Variants in PTP4A3 observed in about 807,000 individuals in gnomAD.
PTP4A3 encodes the protein protein tyrosine phosphatase type IVA 3.
Under a neutral mutation model 15.2 loss-of-function variants are expected in PTP4A3, and 9 were observed. The ratio of observed to expected loss-of-function variants is 0.59; its 90% CI spans 0.36 to 1.03. PTP4A3 has a LOEUF of 1.03. Ranked by LOEUF, PTP4A3 falls within the 50% of genes least tolerant of loss-of-function variation. PTP4A3 has a pLI of 0.02. For synonymous variants in PTP4A3, 95 were observed against 102.0 expected, an observed-to-expected ratio of 0.93 and a Z score of 0.41; for missense variants, 234 against 252.1, an observed-to-expected ratio of 0.93 and a Z score of 0.49.
intron 5 of PTP4A3, among the ~76,000 whole-genome samples, chr8:141,429,533 A>G (rs1408394565): frequency 6.6e-6 from 1 of 151,636 alleles, no homozygotes; most frequent in Non-Finnish European, 1.5e-5. Flanking sequence ...TGTAAGGACC[A>G]GGTGGCGGGA....
Position 141,392,092 on chromosome 8 carries a change from T to G in PTP4A3, c.-854+8T>G, listed in dbSNP as rs1334525868. On this transcript the variant is annotated splice_region_variant and intron_variant, in intron 1 of 5. Transcript: ENST00000521578. Reference sequence around the variant, plus strand: ...CGCCGCCCGGACCGCCAGGTCAGTCTCCTCCGCGCCCGCTCGGGGCGGGGG... The same window carrying G: ...CGCCGCCCGGACCGCCAGGTCAGTCGCCTCCGCGCCCGCTCGGGGCGGGGG... The G allele has an allele frequency of 6.1e-5, 9 of 146,398 alleles. No individual in the cohort carries two copies. The highest frequency in any genetic ancestry group is 4.1e-4 in the Admixed American group (6 of 14,780). The allele number at this position is 146,398 out of a possible 1,614,324, so 9.1% of individuals were successfully genotyped here. A position where few individuals can be genotyped will look rare whatever the true frequency, so the allele number is the denominator to read the frequency against.
intron 2 of PTP4A3, among the ~76,000 whole-genome samples, chr8:141,424,605 G>A (rs1392575623): frequency 3.3e-5 from 5 of 152,154 alleles, no homozygotes; most frequent in Non-Finnish European, 7.4e-5. Flanking sequence ...GTCCTTGCTG[G>A]TAGATCTGGG....
intron 1 of PTP4A3, among the ~76,000 whole-genome samples, chr8:141,409,856 C>A (rs1356197514): frequency 2.0e-5 from 3 of 152,250 alleles, no homozygotes; most frequent in Non-Finnish European, 4.4e-5. Flanking sequence ...TGGCTGGGTG[C>A]CCAGCGGTGC....
At position 141,427,995 on chromosome 8, in the gene PTP4A3, G is replaced by A. The variant is rs1254620855; in HGVS notation, c.404+171G>A. ...GGGAAGCCTGAGGTGTTTCTGATGG[G>A]TGGGGACAGCAGCCCCCGAGTGACC... On this transcript the variant is annotated intron_variant, in intron 5 of 5. Transcript: ENST00000521578. 2.0e-5 allele frequency among the ~76,000 whole-genome samples: 3 copies of A among 152,132 alleles called. No homozygotes were observed. In the South Asian group the frequency reaches 6.2e-4, roughly 31 times the overall value.
intron 4 of PTP4A3, among the ~76,000 whole-genome samples, chr8:141,427,276 C>T (rs1400728541): frequency 2.6e-5 from 4 of 152,218 alleles, no homozygotes; most frequent in Non-Finnish European, 5.9e-5. Flanking sequence ...CAACTTCTTC[C>T]TGCTATGGTT....
intron 2 of PTP4A3, among the ~76,000 whole-genome samples, chr8:141,423,806 T>C (rs1335886563): frequency 4.1e-5 from 6 of 147,026 alleles, no homozygotes; most frequent in African/African-American, 1.5e-4. Context: ...GGAGGGCTCA[T>C]CCTGTGACCA....
rs28712476 is a variant in PTP4A3 at position 141,422,159 on chromosome 8, G to A, written c.-82G>A. 0.019 allele frequency: 24,433 copies of A among 1,319,464 alleles called. 3,398 individuals are homozygous for A. The African/African-American group carries it at 0.31, about 17-fold the overall frequency. 81.7% of individuals were successfully genotyped at this position (1,319,464 alleles called of 1,614,324 possible). A position where few individuals can be genotyped will look rare whatever the true frequency, so the allele number is the denominator to read the frequency against. ...GGGATCTCGTTCTCCTCATTTTTTG[G>A]GGGTGTGTGGGGACTTCTCAGGTCG... On this transcript the variant is annotated 5_prime_UTR_variant, in exon 2 of 6. Coordinates refer to ENST00000521578, the MANE Select transcript of PTP4A3 (RefSeq NM_032611.3).
chr8:141,410,007 G>C (rs887583690), intron 1 of PTP4A3, among the ~76,000 whole-genome samples: 7 of 152,250 alleles, frequency 4.6e-5, no homozygotes, highest in African/African-American at 1.7e-4. Context: ...CTGTCACCAC[G>C]GCTGTGACGA....
intron 1 of PTP4A3, among the ~76,000 whole-genome samples, chr8:141,420,630 C>T (rs1422476910): frequency 6.6e-6 from 1 of 152,346 alleles, no homozygotes; most frequent in East Asian, 1.9e-4. Context: ...ATGGCTGGCC[C>T]ATTGGCGTGT....
intron 1 of PTP4A3, among the ~76,000 whole-genome samples, chr8:141,404,390 G>T (rs1444965050): frequency 6.6e-6 from 1 of 152,232 alleles, no homozygotes; most frequent in East Asian, 1.9e-4. Context: ...AGGATTGGAG[G>T]GTCCATTGGG....
At chr8:141,394,318 C>G (rs1014143013) in intron 1 of PTP4A3, among the ~76,000 whole-genome samples, 3 of 152,156 alleles carry the variant, frequency 2.0e-5, no homozygotes, top group Non-Finnish European at 4.4e-5. Flanking sequence ...TTTTCGCCCC[C>G]CAAGACCTTG....
At chr8:141,429,243 C>T (rs1476125212) in intron 5 of PTP4A3, among the ~76,000 whole-genome samples, 1 of 152,276 alleles carries the variant, frequency 6.6e-6, no homozygotes, top group Non-Finnish European at 1.5e-5. Flanking sequence ...CACGGGGCAC[C>T]TGCAGCTTTG....
intron 1 of PTP4A3, among the ~76,000 whole-genome samples, chr8:141,413,515 C>T (rs1172743426): frequency 6.6e-6 from 1 of 152,252 alleles, no homozygotes; most frequent in East Asian, 1.9e-4. Context: ...CCCCGTACTC[C>T]AGAGCGACTG....
chr8:141,405,982 T>C lies in PTP4A3; in HGVS notation c.-854+13898T>C, dbSNP rs112933304. ...ATGAGGAGAGGGGAGTGGTAGGAGG[T>C]CAGAGGGCAGGGAGCAGCTCGCGTG... On this transcript the variant is annotated intron_variant, in intron 1 of 5. Transcript: ENST00000521578. Among the ~76,000 whole-genome samples, 209 of 151,548 alleles carry C rather than the reference T, an allele frequency of 1.4e-3. 2 individuals carry two copies. The highest frequency in any genetic ancestry group is 4.8e-3 in the African/African-American group (199 of 41,262).
chr8:141,427,067 C>A lies in PTP4A3; in HGVS notation c.327C>A (p.Gly109=). 1 of 1,598,098 alleles carries A rather than the reference C, an allele frequency of 6.3e-7. No individual in the cohort carries two copies. Among genetic ancestry groups the A allele is most frequent in the Middle Eastern group, 1.7e-4 (1 of 5,998 alleles). Residue 109 remains glycine (G), a splice_region_variant and synonymous_variant, in exon 4 of 6, where the codon GGC becomes GGA. Transcript: ENST00000521578. ...CTGTGCACTGCGTGGCGGGCCTGGG[C>A]CGGTGAGTGTCGGGGCGGGGTAGGG... ...CVAVHCVAGL[G]RAPVLVALAL...
chr8:141,421,178 C>G (rs1270591695), intron 1 of PTP4A3, among the ~76,000 whole-genome samples: 1 of 152,206 alleles, frequency 6.6e-6, no homozygotes, highest in Non-Finnish European at 1.5e-5. Flanking sequence ...CGCCTCTGGG[C>G]CCTGGGTCAG....
Position 141,406,145 on chromosome 8 carries a change from G to T in PTP4A3, c.-854+14061G>T, listed in dbSNP as rs1832715591. ...AGTGGTGGGGATACCCAGGATGCCA[G>T]ATGGGTATCCCAGATTCTTGGTGAC... is the stretch of plus-strand genomic sequence containing the variant. On this transcript the variant is annotated intron_variant, in intron 1 of 5. Transcript: ENST00000521578. This position sits in a 1 kb window ranked among gnomAD's most constrained non-coding sequence, Gnocchi z 4.5. 6.6e-6 allele frequency among the ~76,000 whole-genome samples: 1 copy of T among 152,214 alleles called. No individual in the cohort carries two copies. Among genetic ancestry groups the T allele is most frequent in the Non-Finnish European group, 1.5e-5 (1 of 68,036 alleles).
At chr8:141,407,451 C>T (rs1014763382) in intron 1 of PTP4A3, among the ~76,000 whole-genome samples, 3 of 152,202 alleles carry the variant, frequency 2.0e-5, no homozygotes, top group African/African-American at 7.2e-5. Flanking sequence ...CCCAAATGTC[C>T]ATCAGCTGAG....
intron 2 of PTP4A3, among the ~76,000 whole-genome samples, chr8:141,423,538 G>A (rs971656916): frequency 6.6e-6 from 1 of 151,140 alleles, no homozygotes; most frequent in African/African-American, 2.4e-5. Flanking sequence ...TTGAGGCTCA[G>A]TGTGTGTCCA....
Sources: allele counts gnomAD v4.1 joint callset (sites outside exome capture counted in the v4.1 genomes callset), GRCh38; gene constraint gnomAD v4.1.1; non-coding constraint Gnocchi (gnomAD v3.1); transcripts MANE v1.5; gene names NCBI Gene and HGNC (gene_info 2026-07-23, HGNC 2026-07-21).